Variants in USP6NL observed in about 807,000 individuals in gnomAD.
USP6NL encodes the protein USP6 N-terminal like, also known as USP6 N-terminal-like protein.
A neutral mutation model predicts 61.9 loss-of-function variants in USP6NL; 26 were observed. The ratio of observed to expected loss-of-function variants is 0.42; its 90% CI spans 0.31 to 0.58. The LOEUF is 0.58. USP6NL is among the 20% of genes least tolerant of loss of function. The pLI, the probability that USP6NL is intolerant of heterozygous loss-of-function variation, is 0.16. For synonymous variants in USP6NL, 432 were observed against 390.1 expected (o/e 1.11, Z -1.27); for missense variants, 1,114 against 1,034.3 (o/e 1.08, Z -1.06).
Position 11,510,973 on chromosome 10 carries a change from T to C in USP6NL, c.196-1298A>G, listed in dbSNP as rs1834687327. Among the ~76,000 whole-genome samples the C allele has an allele frequency of 6.6e-6, 1 of 152,244 alleles. No homozygotes were observed. Among genetic ancestry groups the C allele is most frequent in the African/African-American group, 2.4e-5 (1 of 41,462 alleles). On this transcript the variant is annotated intron_variant, in intron 5 of 14. Coordinates refer to ENST00000609104, the MANE Select transcript of USP6NL (RefSeq NM_014688.5). This position sits in a 1 kb window ranked among gnomAD's most constrained non-coding sequence, Gnocchi z 4.8. ...CTGGATGGAAGCAGCAGCTCCTTACTGACTGTCTGCAATCCAGCCTCAAAC... is the reference window on the plus strand; with the variant it reads ...CTGGATGGAAGCAGCAGCTCCTTACCGACTGTCTGCAATCCAGCCTCAAAC...
intron 6 of USP6NL, among the ~76,000 whole-genome samples, chr10:11,501,631 C>T (rs760083116): frequency 1.4e-4 from 21 of 152,132 alleles, no homozygotes; most frequent in Non-Finnish European, 1.9e-4. Flanking sequence ...TTGCCTTGTC[C>T]CCAAAATATC....
chr10:11,552,258 A>G (rs1836518015), intron 2 of USP6NL, among the ~76,000 whole-genome samples: 1 of 152,240 alleles, frequency 6.6e-6, no homozygotes, highest in Admixed American at 6.5e-5. Flanking sequence ...AAACCAGAAA[A>G]AGAAAAGCAG....
intron 2 of USP6NL, among the ~76,000 whole-genome samples, chr10:11,552,089 T>C (rs1836511319): frequency 6.6e-6 from 1 of 152,214 alleles, no homozygotes; most frequent in Non-Finnish European, 1.5e-5. Flanking sequence ...TACACTATAC[T>C]TCCTGCCAAG....
rs1231756054 is a variant in USP6NL, at chr10:11,511,758, C to A, written c.196-2083G>T. Among the ~76,000 whole-genome samples the A allele has an allele frequency of 2.6e-5, 4 of 150,982 alleles. No homozygotes were observed. The highest frequency in any genetic ancestry group is 9.7e-5 in the African/African-American group (4 of 41,100). On this transcript the variant is annotated intron_variant, in intron 5 of 14. Coordinates refer to ENST00000609104, the MANE Select transcript of USP6NL (RefSeq NM_014688.5). The surrounding 1 kb of genome is among the most constrained non-coding windows in gnomAD (Gnocchi z 4.9). The stretch of plus-strand genomic sequence containing the variant: ...AGAACAAAACACACACATACACATA[C>A]AAAAAAAATTAAGGATCATTAAGTA...
At position 11,495,828 on chromosome 10, in the gene USP6NL, A is replaced by T. The variant is rs889593079; in HGVS notation, c.385-2600T>A. On this transcript the variant is annotated intron_variant, in intron 7 of 14. Coordinates refer to ENST00000609104, the MANE Select transcript of USP6NL (RefSeq NM_014688.5). The surrounding 1 kb of genome is among the most constrained non-coding windows in gnomAD (Gnocchi z 4.6). ...CTCCCTTCTTCAAATGAACAGCAAA[A>T]CTTCGTTTTCTGCTTTTGTTTAAAA... Among the ~76,000 whole-genome samples, 21 of 152,166 alleles carry T rather than the reference A, an allele frequency of 1.4e-4. 2 individuals are homozygous for T. Among genetic ancestry groups the T allele is most frequent in the Admixed American group, 1.4e-3 (21 of 15,282 alleles).
rs944373357 is a variant in USP6NL at position 11,513,341 on chromosome 10, G to A, written c.196-3666C>T. On this transcript the variant is annotated intron_variant, in intron 5 of 14. Coordinates refer to ENST00000609104, the MANE Select transcript of USP6NL (RefSeq NM_014688.5). The surrounding 1 kb of genome is among the most constrained non-coding windows in gnomAD (Gnocchi z 4.7). ...CGTATGTGGCAGAATGGTAGAAATG[G>A]AATTATTCCATCATGCGGGTAACAC... 5.9e-5 allele frequency among the ~76,000 whole-genome samples: 9 copies of A among 152,198 alleles called. No individual in the cohort carries two copies. Among genetic ancestry groups the A allele is most frequent in the Admixed American group, 2.6e-4 (4 of 15,286 alleles).
At chr10:11,530,642 G>A (rs1183137804) in intron 2 of USP6NL, among the ~76,000 whole-genome samples, 1 of 152,150 alleles carries the variant, frequency 6.6e-6, no homozygotes, top group Non-Finnish European at 1.5e-5. Context: ...TAGTATTAAT[G>A]TATGTATTCT....
Position 11,518,500 on chromosome 10 carries a change from C to G in USP6NL, c.195+35G>C. 1 of 1,594,192 alleles carries G rather than the reference C, an allele frequency of 6.3e-7. No homozygotes were observed. The highest frequency in any genetic ancestry group is 8.6e-7 in the Non-Finnish European group (1 of 1,164,906). On this transcript the variant is annotated intron_variant, in intron 5 of 14. Coordinates refer to ENST00000609104, the MANE Select transcript of USP6NL (RefSeq NM_014688.5). The surrounding 1 kb of genome is among the most constrained non-coding windows in gnomAD (Gnocchi z 5.3). The stretch of plus-strand genomic sequence containing the variant: ...TTATTCTTCTAATAAAGGCAATTCA[C>G]CAGTAACTGTAAATACATCAAGAGC...
chr10:11,486,266 C>A (rs763435231), intron 10 of USP6NL, among the ~76,000 whole-genome samples: 2 of 151,424 alleles, frequency 1.3e-5, no homozygotes, highest in Non-Finnish European at 2.9e-5. Context: ...TATTCCAACC[C>A]TGACTAGTCA....
chr10:11,527,473 C>A (rs747868426), intron 3 of USP6NL, 27 bp downstream of exon 3: 2 of 1,574,318 alleles, frequency 1.3e-6, no homozygotes, highest in Middle Eastern at 1.7e-4. Context: ...ATAAAACTCA[C>A]CCAAAGTGTT....
rs548469939 is a variant in USP6NL, at chr10:11,574,200, T to G, written c.4+23431A>C. Among the ~76,000 whole-genome samples the G allele has an allele frequency of 5.3e-5, 8 of 152,214 alleles. No homozygotes were observed. The highest frequency in any genetic ancestry group is 1.9e-4 in the African/African-American group (8 of 41,532). ...AAAACCTTGTATTTGAAACGGAAAA[T>G]AAAATGTGGATAAAAATAAAATCTA... On this transcript the variant is annotated intron_variant, in intron 2 of 14. Coordinates refer to ENST00000609104, the MANE Select transcript of USP6NL (RefSeq NM_014688.5). This position sits in a 1 kb window ranked among gnomAD's most constrained non-coding sequence, Gnocchi z 4.3.
At chr10:11,533,947 C>A (rs1291748689) in intron 2 of USP6NL, among the ~76,000 whole-genome samples, 1 of 152,186 alleles carries the variant, frequency 6.6e-6, no homozygotes, top group Non-Finnish European at 1.5e-5. Context: ...TTCTTGACTA[C>A]CTCAGCCTCT....
rs2133643478 is a variant in USP6NL at position 11,591,479 on chromosome 10, T to A, written c.4+6152A>T. Among the ~76,000 whole-genome samples, 3 of 152,248 alleles carry A rather than the reference T, an allele frequency of 2.0e-5. No individual in the cohort carries two copies. In the South Asian group the frequency reaches 6.2e-4, roughly 32 times the overall value. On this transcript the variant is annotated intron_variant, in intron 2 of 14. Coordinates refer to ENST00000609104, the MANE Select transcript of USP6NL (RefSeq NM_014688.5). This position sits in a 1 kb window ranked among gnomAD's most constrained non-coding sequence, Gnocchi z 4.7. ...ATTTGAAATTTTAAGATTTAACTAG[T>A]AAAAATAATTCAGAAGCTTTACTAA...
intron 5 of USP6NL, among the ~76,000 whole-genome samples, chr10:11,514,137 A>T (rs1284726819): frequency 6.7e-6 from 1 of 149,340 alleles, no homozygotes; most frequent in Non-Finnish European, 1.5e-5. Flanking sequence ...TAACTAATGA[A>T]TAATCCACGT....
At chr10:11,605,923 T>C (rs1429848594) in intron 1 of USP6NL, among the ~76,000 whole-genome samples, 3 of 152,086 alleles carry the variant, frequency 2.0e-5, no homozygotes, top group African/African-American at 7.2e-5. Context: ...CCAGAAAGAT[T>C]AAGCAAGAGA....
chr10:11,524,230 A>T (rs549149561), intron 4 of USP6NL, among the ~76,000 whole-genome samples: 2 of 152,312 alleles, frequency 1.3e-5, no homozygotes, highest in East Asian at 3.9e-4. Flanking sequence ...AAAACAAAAC[A>T]GTCTTCTGAT....
chr10:11,590,723 A>G (rs1838135318), intron 2 of USP6NL, among the ~76,000 whole-genome samples: 1 of 152,134 alleles, frequency 6.6e-6, no homozygotes, highest in Admixed American at 6.5e-5. Flanking sequence ...AGAGATAACA[A>G]GACGAATATT....
intron 2 of USP6NL, among the ~76,000 whole-genome samples, chr10:11,549,587 T>C (rs35810532): frequency 0.27 from 40,962 of 152,088 alleles, 6,960 homozygotes; most frequent in Non-Finnish European, 0.39. Flanking sequence ...ATTTTATGTA[T>C]AGTTCTTTAT....
At chr10:11,464,583 G>A (rs1478978098) in intron 14 of USP6NL, among the ~76,000 whole-genome samples, 4 of 152,188 alleles carry the variant, frequency 2.6e-5, no homozygotes, top group African/African-American at 9.7e-5. Flanking sequence ...CCACCGTGGA[G>A]GCAGTGAGAA....
Sources: allele counts gnomAD v4.1 joint callset (sites outside exome capture counted in the v4.1 genomes callset), GRCh38; gene constraint gnomAD v4.1.1; non-coding constraint Gnocchi (gnomAD v3.1); transcripts MANE v1.5; gene names NCBI Gene and HGNC (gene_info 2026-07-23, HGNC 2026-07-21).